Variants in APBA1 observed in about 807,000 individuals in gnomAD.
APBA1 encodes amyloid-beta A4 precursor protein-binding family A member 1.
Under a neutral mutation model 86.6 loss-of-function variants are expected in APBA1, and 55 were observed. That is an observed-to-expected ratio of 0.64 (90% confidence interval 0.51 to 0.80). The LOEUF is 0.80. Among genes scored for constraint, APBA1 ranks in the 30% least tolerant of loss-of-function variants. APBA1 has a pLI of 0.00. For synonymous variants in APBA1, 511 were observed against 493.9 expected (o/e 1.03, Z -0.46); for missense variants, 1,090 against 1,183.0 (o/e 0.92, Z 1.15).
At chr9:69,656,540 A>C (rs1169955378) in intron 1 of APBA1, among the ~76,000 whole-genome samples, 1 of 152,228 alleles carries the variant, frequency 6.6e-6, no homozygotes, top group Non-Finnish European at 1.5e-5. Flanking sequence ...CAGAGGTCAG[A>C]GTAGTGGTTA....
chr9:69,475,915 G>C (rs958989786), intron 3 of APBA1, 133 bp downstream of exon 3: 2 of 733,892 alleles, frequency 2.7e-6, no homozygotes, highest in African/African-American at 3.5e-5. Context: ...ACACTGGAGA[G>C]GAGAAATCAG....
intron 1 of APBA1, among the ~76,000 whole-genome samples, chr9:69,652,367 G>A (rs1027394930): frequency 6.6e-6 from 1 of 152,116 alleles, no homozygotes; most frequent in Admixed American, 6.6e-5. Context: ...AGTGAGCAGG[G>A]CAAAATAGGG....
At chr9:69,459,367 G>T (rs1255793737) in intron 5 of APBA1, among the ~76,000 whole-genome samples, 3 of 152,266 alleles carry the variant, frequency 2.0e-5, no homozygotes, top group Non-Finnish European at 1.5e-5. Context: ...TTAATCTCTT[G>T]TTCCATCATT....
chr9:69,477,079 C>A (rs1835461354), intron 2 of APBA1, among the ~76,000 whole-genome samples: 2 of 152,226 alleles, frequency 1.3e-5, no homozygotes, highest in Admixed American at 6.5e-5. Flanking sequence ...AGGTGAGCCA[C>A]AGAGATGCTT....
chr9:69,435,552 TGAG>T (rs1421398494), intron 11 of APBA1, among the ~76,000 whole-genome samples: 1 of 152,250 alleles, frequency 6.6e-6, no homozygotes, highest in East Asian at 1.9e-4. Flanking sequence ...CCAGTGATGA[TGAG>T]CATTTTTTCA....
Position 69,604,236 on chromosome 9 carries a change from A to C in APBA1, c.-70+67917T>G, listed in dbSNP as rs559148333. ...AGTGGAGAGGCACATGAGTGTGGGCACGCATATGAGGGTAAGTGGAGAGGC... is the reference window on the plus strand; with the variant it reads ...AGTGGAGAGGCACATGAGTGTGGGCCCGCATATGAGGGTAAGTGGAGAGGC... On this transcript the variant is annotated intron_variant, in intron 1 of 12. Coordinates refer to ENST00000265381, the MANE Select transcript of APBA1 (RefSeq NM_001163.4). Among the ~76,000 whole-genome samples, 11 of 151,484 alleles carry C rather than the reference A, an allele frequency of 7.3e-5. No homozygotes were observed. The South Asian group carries it at 2.3e-3, about 32-fold the overall frequency.
intron 1 of APBA1, among the ~76,000 whole-genome samples, chr9:69,538,705 A>G (rs1314592335): frequency 1.3e-5 from 2 of 152,216 alleles, no homozygotes; most frequent in Non-Finnish European, 2.9e-5. Flanking sequence ...AAGACTCTAA[A>G]CTTCTATAAA....
intron 1 of APBA1, among the ~76,000 whole-genome samples, chr9:69,546,280 C>T (rs911693774): frequency 2.0e-5 from 3 of 152,190 alleles, no homozygotes; most frequent in African/African-American, 7.2e-5. Flanking sequence ...AGTAGCAGAG[C>T]GAGTTATTCT....
intron 1 of APBA1, among the ~76,000 whole-genome samples, chr9:69,560,127 C>T (rs1836925913): frequency 6.6e-6 from 1 of 152,220 alleles, no homozygotes; most frequent in Non-Finnish European, 1.5e-5. Context: ...TGGACATTAA[C>T]ACAAGGGACT....
intron 9 of APBA1, 87 bp from the exon 10 acceptor site, chr9:69,449,883 G>A: frequency 1.6e-6 from 2 of 1,246,258 alleles, no homozygotes; most frequent in Non-Finnish European, 2.2e-6. Flanking sequence ...TTCCTGTCTT[G>A]CCTAAAGAAA....
At chr9:69,602,917 G>A (rs192255748) in intron 1 of APBA1, among the ~76,000 whole-genome samples, 49 of 152,290 alleles carry the variant, frequency 3.2e-4, no homozygotes, top group Non-Finnish European at 2.1e-4. Flanking sequence ...ACACACACAT[G>A]ACCATGAAAA....
intron 1 of APBA1, among the ~76,000 whole-genome samples, chr9:69,616,967 A>G (rs758223983): frequency 5.3e-5 from 8 of 152,222 alleles, no homozygotes; most frequent in African/African-American, 1.9e-4. Context: ...GCCTGATAAC[A>G]AGAACTATCA....
intron 1 of APBA1, among the ~76,000 whole-genome samples, chr9:69,528,762 G>A (rs549157506): frequency 3.3e-5 from 5 of 151,142 alleles, no homozygotes; most frequent in South Asian, 2.1e-4. Flanking sequence ...ACACACATAC[G>A]TACACACACA....
chr9:69,591,579 G>C (rs991545382), intron 1 of APBA1, among the ~76,000 whole-genome samples: 2 of 152,168 alleles, frequency 1.3e-5, no homozygotes, highest in Admixed American at 1.3e-4. Flanking sequence ...CTGATGGCAG[G>C]GCACGAATCC....
In APBA1 at chr9:69,432,549, T is replaced by C. The variant is rs777405395; in HGVS notation, c.2429A>G (p.Asn810Ser). Residue 810 changes from asparagine to serine, a missense_variant, in exon 12 of 13, where the codon AAT (asparagine) becomes AGT (serine). Physicochemically the swap from Asn to Ser is conservative, Grantham distance 46. Coordinates refer to ENST00000265381, the MANE Select transcript of APBA1 (RefSeq NM_001163.4). The part of the protein sequence containing the change: ...PHEKIVHILS[N>S]AVGEIHMKTM... ...GACCTCTCCTACCTCCCCAACAGCA[T>C]TGGAGAGAATGTGGACGATCTTCTC... 2.0e-5 allele frequency: 32 copies of C among 1,575,174 alleles called. No individual in the cohort carries two copies. The highest frequency in any genetic ancestry group is 2.8e-5 in the Non-Finnish European group (32 of 1,161,906).
chr9:69,427,813 C>CAAAG lies in APBA1; in HGVS notation c.*3510_*3513dup, dbSNP rs1458300706. 2 of 152,000 alleles carry CAAAG rather than the reference C, an allele frequency of 1.3e-5. No homozygotes were observed. Among genetic ancestry groups the CAAAG allele is most frequent in the East Asian group, 1.9e-4 (1 of 5,186 alleles). The allele number at this position is 152,000 out of a possible 1,614,324, so 9.4% of individuals were successfully genotyped here. The stretch of plus-strand genomic sequence containing the variant: ...TATAGATCATTGAGTTTTGTGTATA[C>CAAAG]AAAGAACGATATTGTTACAAATACA... On this transcript the variant is annotated 3_prime_UTR_variant, in exon 13 of 13. Transcript: ENST00000265381.
At chr9:69,548,203 G>A (rs1332402189) in intron 1 of APBA1, among the ~76,000 whole-genome samples, 1 of 152,182 alleles carries the variant, frequency 6.6e-6, no homozygotes, top group Non-Finnish European at 1.5e-5. Flanking sequence ...AATGCAAGCA[G>A]CTGGGAATGA....
At chr9:69,511,705 A>C (rs1836045466) in intron 2 of APBA1, among the ~76,000 whole-genome samples, 1 of 152,064 alleles carries the variant, frequency 6.6e-6, no homozygotes. Flanking sequence ...TGGATTAAGA[A>C]AATGTGGCAC....
rs761273993 is a variant in APBA1 at position 69,516,661 on chromosome 9, A to AGGGCTCGGC, written c.549_550insGCCGAGCCC (p.Tyr183_Ser184insAlaGluPro). The stretch of plus-strand genomic sequence containing the variant: ...CCGCCGTAGTCGGCATAGGGCTCGG[A>AGGGCTCGGC]GTAGGGCTCGTCCTCACCGCGGTGG... On this transcript the variant is annotated inframe_insertion, in exon 2 of 13. Transcript: ENST00000265381. This position sits in a 1 kb window ranked among gnomAD's most constrained non-coding sequence, Gnocchi z 7.3. The AGGGCTCGGC allele has an allele frequency of 6.2e-6, 10 of 1,608,712 alleles. No individual in the cohort carries two copies. The East Asian group carries it at 2.2e-4, about 36-fold the overall frequency.
Sources: allele counts gnomAD v4.1 joint callset (sites outside exome capture counted in the v4.1 genomes callset), GRCh38; gene constraint gnomAD v4.1.1; non-coding constraint Gnocchi (gnomAD v3.1); transcripts MANE v1.5; gene names NCBI Gene and HGNC (gene_info 2026-07-23, HGNC 2026-07-21).